FAXC: variants seen among roughly 807,000 people sequenced by gnomAD.
FAXC encodes the protein failed axon connections homolog.
In FAXC, 10 loss-of-function variants were observed where a neutral mutation model predicts 41.9. That is an observed-to-expected ratio of 0.24 (90% CI 0.15 to 0.41). The LOEUF is 0.41. Among genes scored for constraint, FAXC ranks in the 10% least tolerant of loss-of-function variants. FAXC has a pLI of 1.00. For synonymous variants in FAXC, 183 were observed against 183.8 expected (o/e 1.00, Z 0.03); for missense variants, 399 against 510.9 (o/e 0.78, Z 2.11).
At chr6:99,291,970 A>G in intron 4 of FAXC, 150 bp from the exon 5 acceptor site, 1 of 658,514 alleles carries the variant, frequency 1.5e-6, no homozygotes, top group South Asian at 1.8e-5. Flanking sequence ...TTGCTTAAAA[A>G]AAAATAGAAC....
chr6:99,311,746 C>T (rs963119425), intron 4 of FAXC, among the ~76,000 whole-genome samples: 4 of 152,170 alleles, frequency 2.6e-5, no homozygotes, highest in African/African-American at 7.2e-5. Context: ...TCAGGCCACA[C>T]CACAAGTCCT....
rs78347383 is a variant in FAXC at position 99,287,461 on chromosome 6, T to C, written c.940+4243A>G. ...TTATATGTCTATCTAGATAGACATA[T>C]GCATACATATGTATATTCAAAGCCT... On this transcript the variant is annotated intron_variant, in intron 5 of 5. Transcript: ENST00000389677. 2.1e-3 allele frequency among the ~76,000 whole-genome samples: 318 copies of C among 152,324 alleles called. 10 individuals are homozygous for C. The East Asian group carries it at 0.055, about 26-fold the overall frequency.
At chr6:99,337,517 G>T (rs1424228335) in intron 2 of FAXC, among the ~76,000 whole-genome samples, 1 of 152,104 alleles carries the variant, frequency 6.6e-6, no homozygotes, top group South Asian at 2.1e-4. Context: ...CAGCTCGTAG[G>T]ATATCAGGTA....
intron 4 of FAXC, among the ~76,000 whole-genome samples, chr6:99,308,507 T>C (rs1319342816): frequency 6.6e-6 from 1 of 151,954 alleles, no homozygotes; most frequent in Non-Finnish European, 1.5e-5. Flanking sequence ...GACCTAACAA[T>C]GTGCATAATC....
intron 5 of FAXC, among the ~76,000 whole-genome samples, chr6:99,286,334 G>C (rs72921070): frequency 6.6e-6 from 1 of 152,130 alleles, no homozygotes; most frequent in Non-Finnish European, 1.5e-5. Flanking sequence ...AAGGTAATTC[G>C]TTCCAGCCCT....
At chr6:99,290,129 A>G (rs1202414923) in intron 5 of FAXC, among the ~76,000 whole-genome samples, 1 of 151,468 alleles carries the variant, frequency 6.6e-6, no homozygotes, top group African/African-American at 2.4e-5. Context: ...ACACACACAC[A>G]CACACACATA....
At chr6:99,333,261 ACTGC>A in intron 3 of FAXC, 86 bp downstream of exon 3, 3 of 1,131,824 alleles carry the variant, frequency 2.7e-6, no homozygotes, top group Non-Finnish European at 3.8e-6. Context: ...AAGGTAGAAA[ACTGC>A]TGAAACGGTG....
In FAXC at chr6:99,279,217, C is replaced by T. The variant is rs1770736123; in HGVS notation, c.*1947G>A. 6.6e-6 allele frequency: 1 copy of T among 152,168 alleles called. No homozygotes were observed. The highest frequency in any genetic ancestry group is 2.1e-4 in the South Asian group (1 of 4,826). 9.4% of individuals were successfully genotyped at this position (152,168 alleles called of 1,614,324 possible). A position where few individuals can be genotyped will look rare whatever the true frequency, so the allele number is the denominator to read the frequency against. On this transcript the variant is annotated 3_prime_UTR_variant, in exon 6 of 6. Transcript: ENST00000389677. ...GGCTTATCCATTCATATCTTCTCCA[C>T]CACATTCTTATTAGGCATCAAACAG...
At chr6:99,318,298 C>CAAA (rs1455877348) in intron 4 of FAXC, among the ~76,000 whole-genome samples, 14 of 137,864 alleles carry the variant, frequency 1.0e-4, no homozygotes, top group Non-Finnish European at 1.8e-4. Flanking sequence ...CACACACACA[C>CAAA]ACACACACAA....
rs10527054 is a variant in FAXC, at chr6:99,272,146, ATGTGTGTGTG to A, written c.*9008_*9017del. 36,790 of 143,890 alleles carry A rather than the reference ATGTGTGTGTG, an allele frequency of 0.26. 4,860 individuals are homozygous for A. The highest frequency in any genetic ancestry group is 0.4 in the Middle Eastern group (111 of 278). 8.9% of individuals were successfully genotyped at this position (143,890 alleles called of 1,614,324 possible). A position where few individuals can be genotyped will look rare whatever the true frequency, so the allele number is the denominator to read the frequency against. ...AGGTATGAAAACTAATTGAGACTAT[ATGTGTGTGTG>A]TGTGTGTGTGTGTGTGTGTGTGTGT... is the stretch of plus-strand genomic sequence containing the variant. On this transcript the variant is annotated 3_prime_UTR_variant, in exon 6 of 6. Coordinates refer to ENST00000389677, the MANE Select transcript of FAXC (RefSeq NM_032511.4).
chr6:99,337,258 A>G (rs77233997), intron 2 of FAXC, among the ~76,000 whole-genome samples: 1 of 47,522 alleles, frequency 2.1e-5, no homozygotes, highest in Non-Finnish European at 5.6e-5. Flanking sequence ...CAGCTTAGGA[A>G]AAAAAAAAAG....
chr6:99,271,347 T>C lies in FAXC; in HGVS notation c.*9817A>G, dbSNP rs1770392932. The C allele has an allele frequency of 6.6e-6, 1 of 152,228 alleles. No homozygotes were observed. Among genetic ancestry groups the C allele is most frequent in the African/African-American group, 2.4e-5 (1 of 41,442 alleles). The allele number at this position is 152,228 out of a possible 1,614,324, so 9.4% of individuals were successfully genotyped here. ...GGTGTGGAACCAACTGACGTTGAAGTAGATGTAGATCTATTTCAAAGTATT... is the reference window on the plus strand; with the variant it reads ...GGTGTGGAACCAACTGACGTTGAAGCAGATGTAGATCTATTTCAAAGTATT... On this transcript the variant is annotated 3_prime_UTR_variant, in exon 6 of 6. Transcript: ENST00000389677.
chr6:99,305,801 C>T lies in FAXC; in HGVS notation c.824-13981G>A, dbSNP rs532746918. 1.3e-4 allele frequency among the ~76,000 whole-genome samples: 20 copies of T among 151,780 alleles called. No homozygotes were observed. The East Asian group carries it at 3.9e-3, about 29-fold the overall frequency. On this transcript the variant is annotated intron_variant, in intron 4 of 5. Coordinates refer to ENST00000389677, the MANE Select transcript of FAXC (RefSeq NM_032511.4). The stretch of plus-strand genomic sequence containing the variant: ...TATTGCATTACTATGTGCCTAAGCA[C>T]ACTGTAAATGCTCCATAAATGTCAG...
rs542398003 is a variant in FAXC at position 99,285,642 on chromosome 6, T to C, written c.941-4189A>G. 2.0e-5 allele frequency among the ~76,000 whole-genome samples: 3 copies of C among 152,300 alleles called. No individual in the cohort carries two copies. In the East Asian group the frequency reaches 5.8e-4, roughly 29 times the overall value. On this transcript the variant is annotated intron_variant, in intron 5 of 5. Transcript: ENST00000389677. ...TTTGTAATTCAACTTACTGTAACCATCATGTATTACTTTTCAAATTTAAAA... is the reference window on the plus strand; with the variant it reads ...TTTGTAATTCAACTTACTGTAACCACCATGTATTACTTTTCAAATTTAAAA...
chr6:99,327,999 T>A (rs893737983), intron 3 of FAXC, among the ~76,000 whole-genome samples: 7 of 152,220 alleles, frequency 4.6e-5, no homozygotes, highest in African/African-American at 1.7e-4. Flanking sequence ...AAGAGCTTCC[T>A]AAACACAAAC....
intron 4 of FAXC, among the ~76,000 whole-genome samples, chr6:99,309,542 C>A (rs537894791): frequency 6.6e-6 from 1 of 152,290 alleles, no homozygotes; most frequent in Admixed American, 6.5e-5. Flanking sequence ...TTCAAGACCT[C>A]CACTACCTGG....
intron 4 of FAXC, among the ~76,000 whole-genome samples, chr6:99,309,027 A>G (rs1772048888): frequency 6.6e-6 from 1 of 152,166 alleles, no homozygotes; most frequent in South Asian, 2.1e-4. Context: ...TATCCAGGCA[A>G]ATCAGCCCAG....
chr6:99,296,656 T>G (rs201664612), intron 4 of FAXC, among the ~76,000 whole-genome samples: 1 of 152,118 alleles, frequency 6.6e-6, no homozygotes, highest in South Asian at 2.1e-4. Flanking sequence ...CACATCCTGA[T>G]AGTAGCAAAG....
intron 2 of FAXC, among the ~76,000 whole-genome samples, chr6:99,336,082 T>A (rs1773206422): frequency 6.6e-6 from 1 of 151,748 alleles, no homozygotes; most frequent in African/African-American, 2.4e-5. Context: ...ATTTTTAAAA[T>A]AAAAAAAAAT....
Sources: allele counts gnomAD v4.1 joint callset (sites outside exome capture counted in the v4.1 genomes callset), GRCh38; gene constraint gnomAD v4.1.1; transcripts MANE v1.5; gene names NCBI Gene and HGNC (gene_info 2026-07-23, HGNC 2026-07-21).